The following ANK3 variants were observed in gnomAD, a reference collection of about 807,000 sequenced individuals.
ANK3 encodes the protein ankyrin 3.
In ANK3, 57 loss-of-function variants were observed where a neutral mutation model predicts 370.9. The ratio of observed to expected loss-of-function variants is 0.15; its 90% CI spans 0.12 to 0.19. The LOEUF (loss-of-function observed/expected upper bound fraction) is 0.19, where lower values mean the gene tolerates loss of function less well. ANK3 is among the 10% of genes least tolerant of loss of function. ANK3 has a pLI of 1.00. For synonymous variants in ANK3, 1,929 were observed against 1,946.3 expected (o/e 0.99, Z 0.23); for missense variants, 4,439 against 5,302.1 (o/e 0.84, Z 5.06).
intron 1 of ANK3, among the ~76,000 whole-genome samples, chr10:60,288,895 C>CACAT (rs1240740611): frequency 6.6e-6 from 1 of 150,632 alleles, no homozygotes; most frequent in Non-Finnish European, 1.5e-5. Context: ...GAATAACACA[C>CACAT]ACACACACAC....
At chr10:60,048,224 A>C (rs2077267536) in intron 42 of ANK3, among the ~76,000 whole-genome samples, 1 of 152,140 alleles carries the variant, frequency 6.6e-6, no homozygotes, top group African/African-American at 2.4e-5. Context: ...TGGGATACTA[A>C]GTGCTAGGGG....
At chr10:60,323,765 A>G (rs2049182051) in intron 1 of ANK3, among the ~76,000 whole-genome samples, 1 of 152,208 alleles carries the variant, frequency 6.6e-6, no homozygotes. Flanking sequence ...AAATGTAGCT[A>G]GCAAGGTAGG....
intron 6 of ANK3, among the ~76,000 whole-genome samples, chr10:60,263,510 A>G (rs929451613): frequency 1.3e-5 from 2 of 152,072 alleles, no homozygotes; most frequent in Admixed American, 6.5e-5. Flanking sequence ...GTATTTTGTA[A>G]TTTTTCGCCC....
chr10:60,659,893 G>A (rs2078913972), intron 1 of ANK3, among the ~76,000 whole-genome samples: 1 of 152,044 alleles, frequency 6.6e-6, no homozygotes, highest in Non-Finnish European at 1.5e-5. Context: ...AAACAAATAA[G>A]ATAAAATATT....
chr10:60,194,944 G>A (rs10509127), intron 16 of ANK3, among the ~76,000 whole-genome samples: 14,335 of 152,174 alleles, frequency 0.094, 793 homozygotes, highest in Admixed American at 0.14. Context: ...TAAATGGAGA[G>A]AGTACCTAAA....
intron 1 of ANK3, among the ~76,000 whole-genome samples, chr10:60,346,343 C>T (rs984578981): frequency 2.0e-4 from 31 of 151,918 alleles, no homozygotes; most frequent in African/African-American, 6.8e-4. Flanking sequence ...GCAACTTATA[C>T]AACAAAGGCT....
rs750257207 is a variant in ANK3, at chr10:60,082,143, A to G, written c.4350+7T>C. 1.9e-6 allele frequency: 3 copies of G among 1,607,870 alleles called. No homozygotes were observed. Among genetic ancestry groups the G allele is most frequent in the East Asian group, 4.5e-5 (2 of 44,770 alleles). On this transcript the variant is annotated splice_region_variant and intron_variant, in intron 35 of 43. Coordinates refer to ENST00000280772, the MANE Select transcript of ANK3 (RefSeq NM_020987.5). ...TGATAGAATAAAAGCAGAAGTGTTT[A>G]TATTACCTCATCATCTTGATCTGAC...
chr10:60,112,561 C>A (rs2132108012), intron 26 of ANK3, among the ~76,000 whole-genome samples: 1 of 152,192 alleles, frequency 6.6e-6, no homozygotes, highest in East Asian at 1.9e-4. Flanking sequence ...CGATATTGTT[C>A]TGTTTCTCAG....
chr10:60,667,010 T>C (rs985105043), intron 1 of ANK3, among the ~76,000 whole-genome samples: 4 of 152,032 alleles, frequency 2.6e-5, no homozygotes, highest in Non-Finnish European at 4.4e-5. Flanking sequence ...GAATTCTTCA[T>C]ATAAGTATGT....
chr10:60,417,372 C>A (rs1034486798), intron 2 of ANK3, among the ~76,000 whole-genome samples: 1 of 152,154 alleles, frequency 6.6e-6, no homozygotes, highest in Non-Finnish European at 1.5e-5. Flanking sequence ...AACCTGGCCA[C>A]TGCCTGAAAC....
intron 1 of ANK3, among the ~76,000 whole-genome samples, chr10:60,717,039 C>T (rs1209134609): frequency 6.6e-6 from 1 of 152,142 alleles, no homozygotes; most frequent in Non-Finnish European, 1.5e-5. Context: ...CACTTTATCC[C>T]TTGAGGATTT....
intron 2 of ANK3, among the ~76,000 whole-genome samples, chr10:60,464,345 A>T (rs2064960986): frequency 6.6e-6 from 1 of 152,216 alleles, no homozygotes; most frequent in African/African-American, 2.4e-5. Context: ...CTTCAAATTA[A>T]CACATATCTT....
chr10:60,247,567 A>C (rs898892491), intron 7 of ANK3, among the ~76,000 whole-genome samples: 5 of 152,170 alleles, frequency 3.3e-5, no homozygotes, highest in African/African-American at 1.2e-4. Flanking sequence ...TTTGTCTCCG[A>C]ATCTGACTAC....
chr10:60,488,120 G>T (rs56164449), intron 2 of ANK3, among the ~76,000 whole-genome samples: 24 of 152,088 alleles, frequency 1.6e-4, no homozygotes, highest in Admixed American at 6.5e-4. Flanking sequence ...AAAAAGAGGT[G>T]TACAGAGGGT....
intron 2 of ANK3, among the ~76,000 whole-genome samples, chr10:60,498,545 T>C (rs761728029): frequency 2.0e-5 from 3 of 152,140 alleles, no homozygotes; most frequent in Admixed American, 1.3e-4. Context: ...TGCATCACCA[T>C]ACCTGGCTAA....
chr10:60,624,381 G>T (rs1332512853), intron 1 of ANK3, among the ~76,000 whole-genome samples: 1 of 152,062 alleles, frequency 6.6e-6, no homozygotes, highest in Admixed American at 6.6e-5. Context: ...CATGTATGTT[G>T]TCACACACTG....
chr10:60,294,017 G>A (rs2042010726), intron 1 of ANK3, among the ~76,000 whole-genome samples: 1 of 152,208 alleles, frequency 6.6e-6, no homozygotes, highest in Non-Finnish European at 1.5e-5. Context: ...TATGTAGGAG[G>A]CATTGGCATG....
At chr10:60,058,988 C>T (rs899488720) in intron 41 of ANK3, among the ~76,000 whole-genome samples, 2 of 152,166 alleles carry the variant, frequency 1.3e-5, no homozygotes, top group Non-Finnish European at 2.9e-5. Flanking sequence ...CTCCTGACCT[C>T]AGGTGATCCA....
intron 2 of ANK3, among the ~76,000 whole-genome samples, chr10:60,506,687 A>G (rs990722633): frequency 6.6e-6 from 1 of 152,098 alleles, no homozygotes; most frequent in African/African-American, 2.4e-5. Flanking sequence ...TTATTGGGTC[A>G]AAGCATAATG....
Sources: gnomAD v4.1 joint callset for allele counts (sites outside exome capture counted in the v4.1 genomes callset) on GRCh38, gnomAD v4.1.1 for gene constraint, MANE v1.5 for transcripts, NCBI Gene and HGNC (gene_info 2026-07-23, HGNC 2026-07-21) for gene names.